The following FLT1 variants were observed in gnomAD, a reference collection of about 807,000 sequenced individuals.
FLT1 encodes vascular endothelial growth factor receptor 1.
In FLT1, 49 loss-of-function variants were observed where a neutral mutation model predicts 156.3. That is an observed-to-expected ratio of 0.31 (90% CI 0.25 to 0.40). FLT1 has a LOEUF of 0.40. Ranked by LOEUF, FLT1 falls within the 10% of genes least tolerant of loss-of-function variation. The probability of loss-of-function intolerance (pLI) is 1.00; values close to 1 mark genes in which losing one functional copy is unlikely to be tolerated. For synonymous variants in FLT1, 594 were observed against 583.8 expected, an observed-to-expected ratio of 1.02 and a Z score of -0.25; for missense variants, 1,322 against 1,637.2, an observed-to-expected ratio of 0.81 and a Z score of 3.32.
intron 18 of FLT1, among the ~76,000 whole-genome samples, chr13:28,331,227 C>A (rs2138842363): frequency 6.6e-6 from 1 of 152,272 alleles, no homozygotes; most frequent in East Asian, 1.9e-4. Context: ...TTCATAAGCA[C>A]AAATCATTTT....
intron 11 of FLT1, among the ~76,000 whole-genome samples, chr13:28,401,257 T>C (rs891356732): frequency 4.6e-5 from 7 of 152,214 alleles, no homozygotes; most frequent in Non-Finnish European, 8.8e-5. Flanking sequence ...AAAGGACTCA[T>C]GCTTTCTACT....
chr13:28,311,976 A>G lies in FLT1; in HGVS notation c.3492+17T>C, dbSNP rs7328692. 1 allele frequency: 1,534,857 copies of G among 1,541,960 alleles called. 764,158 individuals carry two copies. The highest frequency in any genetic ancestry group is 1 in the East Asian group (44,536 of 44,536). On this transcript the variant is annotated intron_variant, in intron 26 of 29. Transcript: ENST00000282397. Reference sequence around the variant, plus strand: ...GTACATTCAAAGGCATTTTGATGTAAATAAATTTAGTTTTACCTGTTGTAC... The same window carrying G: ...GTACATTCAAAGGCATTTTGATGTAGATAAATTTAGTTTTACCTGTTGTAC...
chr13:28,389,763 G>A (rs371984368), intron 13 of FLT1, 33 bp downstream of exon 13: 18 of 1,613,880 alleles, frequency 1.1e-5, no homozygotes, highest in African/African-American at 8.0e-5. Context: ...TTGGAGATCC[G>A]AGAGAAAACA....
At chr13:28,412,179 G>A (rs1876242153) in intron 10 of FLT1, among the ~76,000 whole-genome samples, 1 of 152,134 alleles carries the variant, frequency 6.6e-6, no homozygotes, top group Non-Finnish European at 1.5e-5. Context: ...CCTGTAGCAG[G>A]GCCTGATGTA....
At chr13:28,304,926 T>C (rs1022570693) in intron 29 of FLT1, among the ~76,000 whole-genome samples, 1 of 152,230 alleles carries the variant, frequency 6.6e-6, no homozygotes, top group African/African-American at 2.4e-5. Context: ...ATTCATTGAG[T>C]CATCAACTGA....
At chr13:28,325,477 G>A (rs541745999) in intron 20 of FLT1, among the ~76,000 whole-genome samples, 2 of 152,216 alleles carry the variant, frequency 1.3e-5, no homozygotes, top group African/African-American at 4.8e-5. Flanking sequence ...TGCAGCCTGC[G>A]AGTGTGAACC....
rs558288725 is a variant in FLT1, at chr13:28,385,520, T to C, written c.1970-489A>G. ...GTTACTCAACTGTCAGTAACCTAAGTTGTAAGGCAGCAGACCAAACAGGAG... is the reference window on the plus strand; with the variant it reads ...GTTACTCAACTGTCAGTAACCTAAGCTGTAAGGCAGCAGACCAAACAGGAG... On this transcript the variant is annotated intron_variant, in intron 13 of 29. Coordinates refer to ENST00000282397, the MANE Select transcript of FLT1 (RefSeq NM_002019.4). The C allele has an allele frequency of 2.2e-5, 22 of 1,011,010 alleles. No homozygotes were observed. In the East Asian group the frequency reaches 1.4e-3, roughly 64 times the overall value. 62.6% of individuals were successfully genotyped at this position (1,011,010 alleles called of 1,614,324 possible). A position where few individuals can be genotyped will look rare whatever the true frequency, so the allele number is the denominator to read the frequency against.
At chr13:28,374,340 G>C (rs1170448859) in intron 14 of FLT1, among the ~76,000 whole-genome samples, 1 of 151,740 alleles carries the variant, frequency 6.6e-6, no homozygotes, top group East Asian at 1.9e-4. Flanking sequence ...ACCTGAGCCC[G>C]GGAGGTTGAG....
chr13:28,367,083 C>A (rs189317387), intron 14 of FLT1, among the ~76,000 whole-genome samples: 2 of 152,248 alleles, frequency 1.3e-5, no homozygotes, highest in Admixed American at 1.3e-4. Context: ...TATGATGAAG[C>A]TAAGCTAGTT....
chr13:28,482,803 G>GA (rs1880936034), intron 1 of FLT1, among the ~76,000 whole-genome samples: 1 of 152,202 alleles, frequency 6.6e-6, no homozygotes, highest in African/African-American at 2.4e-5. Context: ...AGAAATTCCT[G>GA]AAAATTCACT....
At chr13:28,484,343 G>A (rs1881024775) in intron 1 of FLT1, among the ~76,000 whole-genome samples, 1 of 152,148 alleles carries the variant, frequency 6.6e-6, no homozygotes, top group African/African-American at 2.4e-5. Context: ...CTTTTTCCTC[G>A]GACCTGCCTG....
chr13:28,404,128 G>A (rs1215801519), intron 11 of FLT1, among the ~76,000 whole-genome samples: 1 of 151,980 alleles, frequency 6.6e-6, no homozygotes, highest in East Asian at 1.9e-4. Context: ...TCATTAAACT[G>A]CTCTCTTATC....
intron 15 of FLT1, among the ~76,000 whole-genome samples, chr13:28,353,137 TC>T (rs1423092998): frequency 6.6e-6 from 1 of 152,208 alleles, no homozygotes; most frequent in African/African-American, 2.4e-5. Flanking sequence ...CCTCATGTAG[TC>T]CTTTTGTGCC....
intron 10 of FLT1, among the ~76,000 whole-genome samples, chr13:28,423,705 A>G (rs1877148635): frequency 6.6e-6 from 1 of 152,192 alleles, no homozygotes; most frequent in Non-Finnish European, 1.5e-5. Flanking sequence ...TCTTTACTTT[A>G]TATGAGCAGA....
Position 28,385,028 on chromosome 13 carries a change from T to C in FLT1, c.1973A>G (p.Gln658Arg), listed in dbSNP as rs1163367875. The C allele has an allele frequency of 7.4e-6, 12 of 1,614,040 alleles. No individual in the cohort carries two copies. Among genetic ancestry groups the C allele is most frequent in the Non-Finnish European group, 1.0e-5 (12 of 1,180,008 alleles). ...GTTTCGCAGGAGGTATGGTGCTTCC[T>C]GATCTAGTGAAGAAAGAAAGGGAGC... ...LQKKEITIRD[Q>R]EAPYLLRNLS... Residue 658 changes from glutamine to arginine, a missense_variant, in exon 14 of 30, where the codon CAG becomes CGG. By Grantham distance (43) the Gln-to-Arg change is conservative. This residue lies in a region of FLT1 where 991 missense variants were observed against 1,254.8 expected (regional missense o/e 0.79). Transcript: ENST00000282397.
intron 13 of FLT1, chr13:28,386,969 T>C (rs1356537009): frequency 2.9e-6 from 3 of 1,043,298 alleles, no homozygotes; most frequent in Non-Finnish European, 2.3e-6. Context: ...GAAGTCTGAA[T>C]ACAGAGCCCA....
intron 3 of FLT1, among the ~76,000 whole-genome samples, chr13:28,450,958 G>T (rs759857452): frequency 1.9e-4 from 29 of 152,212 alleles, no homozygotes; most frequent in Non-Finnish European, 4.3e-4. Context: ...TGGGAGAAAT[G>T]AGGGCCCAGA....
At chr13:28,436,154 G>A (rs1402085089) in intron 4 of FLT1, among the ~76,000 whole-genome samples, 1 of 152,178 alleles carries the variant, frequency 6.6e-6, no homozygotes, top group Non-Finnish European at 1.5e-5. Flanking sequence ...ATCTAAAGCA[G>A]TCAAAGACTG....
At chr13:28,468,844 C>A (rs1879992864) in intron 1 of FLT1, among the ~76,000 whole-genome samples, 2 of 152,168 alleles carry the variant, frequency 1.3e-5, no homozygotes, top group Non-Finnish European at 2.9e-5. Context: ...GTCAATTATA[C>A]CTCTTAATAA....
Sources: gnomAD v4.1 joint callset for allele counts (sites outside exome capture counted in the v4.1 genomes callset) on GRCh38, gnomAD v4.1.1 for gene constraint, gnomAD v4.1.1 regional missense constraint, MANE v1.5 for transcripts, NCBI Gene and HGNC (gene_info 2026-07-23, HGNC 2026-07-21) for gene names.